Variants in SLC67A2 observed in about 807,000 individuals in gnomAD.
SLC67A2 encodes the protein solute carrier family 67 member 2.
chr2:102,724,775 C>T, the SLC67A2 span, among the ~76,000 whole-genome samples: 7 of 152,328 alleles, frequency 4.6e-5, no homozygotes, highest in South Asian at 6.2e-4. Context: ...GTGCTGCCGC[C>T]GAGTGCTTCA....
the SLC67A2 span, chr2:102,718,303 C>T: frequency 2.3e-6 from 3 of 1,295,650 alleles, no homozygotes; most frequent in Admixed American, 2.1e-5. Context: ...ACAGCTCACA[C>T]CCACCCGGAA....
the SLC67A2 span, chr2:102,732,015 T>C: frequency 2.0e-6 from 1 of 495,844 alleles, no homozygotes; most frequent in Non-Finnish European, 3.9e-6. Flanking sequence ...GGAGTCCACA[T>C]GTACCTACCC....
chr2:102,718,831 G>A, the SLC67A2 span: 1 of 1,613,910 alleles, frequency 6.2e-7, no homozygotes, highest in South Asian at 1.1e-5. Context: ...TTGGCCCCAG[G>A]GCAAGGCCGG....
the SLC67A2 span, chr2:102,732,071 G>C: frequency 1.6e-6 from 1 of 613,726 alleles, no homozygotes; most frequent in South Asian, 1.5e-5. Context: ...ATAAGTACCT[G>C]TTGCCACTAG....
chr2:102,736,541 C>A, the SLC67A2 span: 9 of 1,605,434 alleles, frequency 5.6e-6, no homozygotes, highest in African/African-American at 8.0e-5. Flanking sequence ...AGGCGGACTG[C>A]GGGTTCCCAC....
chr2:102,723,965 C>A, the SLC67A2 span: 7 of 1,435,944 alleles, frequency 4.9e-6, no homozygotes, highest in African/African-American at 9.8e-5. Flanking sequence ...AAGTATCTTA[C>A]TTATGATCCT....
At chr2:102,715,244 G>A in the SLC67A2 span, among the ~76,000 whole-genome samples, 3 of 152,254 alleles carry the variant, frequency 2.0e-5, no homozygotes, top group South Asian at 2.1e-4. Flanking sequence ...GAATTCTTCC[G>A]TCATTCCCCT....
chr2:102,718,369 G>A, the SLC67A2 span: 1 of 1,596,414 alleles, frequency 6.3e-7, no homozygotes, highest in Non-Finnish European at 8.5e-7. Context: ...ATGGCCTCCG[G>A]CCCTCATTCA....
At chr2:102,723,177 A>C in the SLC67A2 span, among the ~76,000 whole-genome samples, 1 of 152,246 alleles carries the variant, frequency 6.6e-6, no homozygotes, top group Non-Finnish European at 1.5e-5. Flanking sequence ...TGTGGAGAAA[A>C]GAGAACTCTT....
At chr2:102,728,316 C>T in the SLC67A2 span, among the ~76,000 whole-genome samples, 8 of 152,050 alleles carry the variant, frequency 5.3e-5, no homozygotes, top group Non-Finnish European at 7.3e-5. Flanking sequence ...CTGGTTCCTG[C>T]GTCCCTCCTT....
At chr2:102,731,201 A>C in the SLC67A2 span, 1 of 602,516 alleles carries the variant, frequency 1.7e-6, no homozygotes, top group Non-Finnish European at 2.7e-6. Context: ...ATTATCTCAC[A>C]TCTTTTTTTT....
At chr2:102,719,197 C>T in the SLC67A2 span, 6 of 1,609,876 alleles carry the variant, frequency 3.7e-6, no homozygotes, top group South Asian at 5.5e-5. Flanking sequence ...ATGGAAAGAA[C>T]CAAACGAGAC....
At chr2:102,723,409 C>A in the SLC67A2 span, among the ~76,000 whole-genome samples, 1 of 151,860 alleles carries the variant, frequency 6.6e-6, no homozygotes, top group Non-Finnish European at 1.5e-5. Context: ...GGGGAGGTTG[C>A]GGTGAGCTGA....
the SLC67A2 span, among the ~76,000 whole-genome samples, chr2:102,734,821 CAT>C: frequency 5.3e-5 from 8 of 152,184 alleles, no homozygotes. Context: ...ATAAAGAAAA[CAT>C]ATGATAAATT....
At chr2:102,717,565 C>T in the SLC67A2 span, 1 of 152,394 alleles carries the variant, frequency 6.6e-6, no homozygotes, top group African/African-American at 2.4e-5. Flanking sequence ...GCAAGCTGGG[C>T]TCTCAGAGGC....
the SLC67A2 span, among the ~76,000 whole-genome samples, chr2:102,734,644 T>C: frequency 5.9e-5 from 9 of 152,188 alleles, no homozygotes; most frequent in African/African-American, 1.7e-4. Context: ...ATATATTTAA[T>C]TGTTTACAAT....
chr2:102,718,305 C>A, the SLC67A2 span: 7 of 1,304,596 alleles, frequency 5.4e-6, no homozygotes, highest in Non-Finnish European at 7.4e-6. Flanking sequence ...AGCTCACACC[C>A]ACCCGGAAAT....
chr2:102,730,224 T>C, the SLC67A2 span, among the ~76,000 whole-genome samples: 1 of 152,120 alleles, frequency 6.6e-6, no homozygotes, highest in Non-Finnish European at 1.5e-5. Context: ...TTTTTTTGAT[T>C]TCTTAGAAAC....
chr2:102,719,693 C>T, the SLC67A2 span, among the ~76,000 whole-genome samples: 1 of 152,304 alleles, frequency 6.6e-6, no homozygotes, highest in East Asian at 1.9e-4. Context: ...AAACACTGTA[C>T]TCAAGACGCT....
Sources: allele counts gnomAD v4.1 joint callset (sites outside exome capture counted in the v4.1 genomes callset), GRCh38; gene constraint gnomAD v4.1.1; transcripts MANE v1.5; gene names NCBI Gene and HGNC (gene_info 2026-07-23, HGNC 2026-07-21).